Variants in SETBP1 observed in about 807,000 individuals in gnomAD.
SETBP1 encodes the protein SET binding protein 1, also known as SET-binding protein.
In SETBP1, 9 loss-of-function variants were observed where a neutral mutation model predicts 101.0. The ratio of observed to expected loss-of-function variants is 0.09; its 90% CI spans 0.05 to 0.16. The LOEUF (loss-of-function observed/expected upper bound fraction) is 0.16. Ranked by LOEUF, SETBP1 falls within the 10% of genes least tolerant of loss-of-function variation. The probability of loss-of-function intolerance (pLI) is 1.00; values close to 1 mark genes in which losing one functional copy is unlikely to be tolerated. For synonymous variants in SETBP1, 818 were observed against 788.5 expected, an observed-to-expected ratio of 1.04 and a Z score of -0.63; for missense variants, 1,858 against 2,033.8, an observed-to-expected ratio of 0.91 and a Z score of 1.66.
chr18:44,792,011 G>C (rs1258507346), intron 2 of SETBP1, among the ~76,000 whole-genome samples: 2 of 152,170 alleles, frequency 1.3e-5, no homozygotes, highest in East Asian at 3.9e-4. Flanking sequence ...GCAGTTTCGG[G>C]CTCATCATTT....
chr18:44,934,022 G>A (rs1461780575), intron 3 of SETBP1, among the ~76,000 whole-genome samples: 2 of 152,136 alleles, frequency 1.3e-5, no homozygotes, highest in Non-Finnish European at 2.9e-5. Context: ...CACTCATGCT[G>A]GGAGCTATAG....
intron 2 of SETBP1, among the ~76,000 whole-genome samples, chr18:44,774,632 G>T (rs977536745): frequency 1.3e-5 from 2 of 152,118 alleles, no homozygotes; most frequent in African/African-American, 4.8e-5. Flanking sequence ...GAGCACATGG[G>T]ATTATGAAAA....
Position 45,064,770 on chromosome 18 carries a change from C to A in SETBP1, c.*1072C>A, listed in dbSNP as rs768340663. On this transcript the variant is annotated 3_prime_UTR_variant, in exon 6 of 6. Transcript: ENST00000649279. ...ACAAGTGTCTAGCAATGCCTTGGTA[C>A]CTGATCTTTTTCATTCAAATAATTG... The A allele has an allele frequency of 6.7e-6, 1 of 149,626 alleles. No homozygotes were observed. The highest frequency in any genetic ancestry group is 1.5e-5 in the Non-Finnish European group (1 of 67,724). The allele number at this position is 149,626 out of a possible 1,614,324, so 9.3% of individuals were successfully genotyped here. A position where few individuals can be genotyped will look rare whatever the true frequency, so the allele number is the denominator to read the frequency against.
chr18:44,696,435 G>C (rs968662541), intron 1 of SETBP1, among the ~76,000 whole-genome samples: 1 of 152,158 alleles, frequency 6.6e-6, no homozygotes, highest in African/African-American at 2.4e-5. Flanking sequence ...TCAGTAAGTA[G>C]AGCTCGAGAA....
At chr18:44,851,061 G>T (rs1418326230) in intron 2 of SETBP1, among the ~76,000 whole-genome samples, 2 of 152,190 alleles carry the variant, frequency 1.3e-5, no homozygotes, top group African/African-American at 4.8e-5. Context: ...CTATGTAACA[G>T]CTGTCCTCTG....
At chr18:44,848,186 CA>C (rs1295615660) in intron 2 of SETBP1, among the ~76,000 whole-genome samples, 2 of 151,850 alleles carry the variant, frequency 1.3e-5, no homozygotes, top group Non-Finnish European at 1.5e-5. Flanking sequence ...AGCAAAGAGT[CA>C]GTGTGGCTGA....
At chr18:44,718,663 G>T (rs957917474) in intron 2 of SETBP1, among the ~76,000 whole-genome samples, 1 of 152,254 alleles carries the variant, frequency 6.6e-6, no homozygotes, top group East Asian at 1.9e-4. Context: ...AGATGTAAGT[G>T]GGTATTGTCC....
At chr18:44,998,507 G>A (rs557669793) in intron 4 of SETBP1, among the ~76,000 whole-genome samples, 8 of 152,298 alleles carry the variant, frequency 5.3e-5, no homozygotes, top group East Asian at 3.9e-4. Context: ...CATATGTACC[G>A]TTCAGTAGAC....
chr18:44,842,396 G>A (rs552862046), intron 2 of SETBP1, among the ~76,000 whole-genome samples: 8 of 152,252 alleles, frequency 5.3e-5, no homozygotes, highest in Non-Finnish European at 1.0e-4. Context: ...CCAAATTACC[G>A]TAAATTGTCA....
chr18:44,738,348 C>T (rs563451538), intron 2 of SETBP1, among the ~76,000 whole-genome samples: 1 of 152,204 alleles, frequency 6.6e-6, no homozygotes, highest in Non-Finnish European at 1.5e-5. Flanking sequence ...TCTTTATTAA[C>T]AGTAAAATTC....
intron 2 of SETBP1, among the ~76,000 whole-genome samples, chr18:44,726,824 A>G (rs1339882633): frequency 6.6e-6 from 1 of 152,176 alleles, no homozygotes; most frequent in African/African-American, 2.4e-5. Context: ...GAAGAGCCCA[A>G]GATGAAAGGG....
chr18:44,735,074 A>T (rs1476435718), intron 2 of SETBP1, among the ~76,000 whole-genome samples: 1 of 152,242 alleles, frequency 6.6e-6, no homozygotes, highest in African/African-American at 2.4e-5. Context: ...ATAATATTGT[A>T]AAGTTGGAAA....
chr18:44,740,927 T>G (rs945781280), intron 2 of SETBP1, among the ~76,000 whole-genome samples: 1 of 152,268 alleles, frequency 6.6e-6, no homozygotes, highest in Admixed American at 6.5e-5. Context: ...AATGTACATC[T>G]TGATTTCTCA....
chr18:44,914,815 C>G (rs1383510394), intron 3 of SETBP1, among the ~76,000 whole-genome samples: 2 of 152,050 alleles, frequency 1.3e-5, no homozygotes, highest in Admixed American at 1.3e-4. Flanking sequence ...CAGACCAGTG[C>G]TTTTGGCAGC....
At chr18:44,795,699 G>T (rs972091979) in intron 2 of SETBP1, among the ~76,000 whole-genome samples, 1 of 152,096 alleles carries the variant, frequency 6.6e-6, no homozygotes, top group Admixed American at 6.6e-5. Flanking sequence ...CTCAAATTTT[G>T]AACATTTAAA....
At chr18:44,996,929 G>C (rs1266478193) in intron 4 of SETBP1, among the ~76,000 whole-genome samples, 1 of 152,174 alleles carries the variant, frequency 6.6e-6, no homozygotes, top group Non-Finnish European at 1.5e-5. Flanking sequence ...CAGTGAGATG[G>C]GTACAGGCAG....
At chr18:44,833,980 G>A (rs936173996) in intron 2 of SETBP1, among the ~76,000 whole-genome samples, 18 of 152,346 alleles carry the variant, frequency 1.2e-4, no homozygotes, top group East Asian at 3.9e-4. Context: ...AAATTTTAAC[G>A]TAGGTGTGGG....
chr18:44,689,009 G>A (rs780197883), intron 1 of SETBP1, among the ~76,000 whole-genome samples: 26 of 152,302 alleles, frequency 1.7e-4, no homozygotes, highest in Non-Finnish European at 2.5e-4. Flanking sequence ...CTACAGATAC[G>A]TGCTTTGCTG....
At chr18:44,719,966 G>A (rs1011363105) in intron 2 of SETBP1, among the ~76,000 whole-genome samples, 6 of 152,170 alleles carry the variant, frequency 3.9e-5, no homozygotes, top group African/African-American at 1.4e-4. Flanking sequence ...AGAGCATCCG[G>A]GGACTTCTCA....
Sources: gnomAD v4.1 joint callset for allele counts (sites outside exome capture counted in the v4.1 genomes callset) on GRCh38, gnomAD v4.1.1 for gene constraint, MANE v1.5 for transcripts, NCBI Gene and HGNC (gene_info 2026-07-23, HGNC 2026-07-21) for gene names.